Variants in TAFA1 observed in about 807,000 individuals in gnomAD.
TAFA1 encodes TAFA chemokine like family member 1.
Under a neutral mutation model 18.5 loss-of-function variants are expected in TAFA1, and 4 were observed. That is an observed-to-expected ratio of 0.22 (90% CI 0.11 to 0.49). The LOEUF is 0.49. Among genes scored for constraint, TAFA1 ranks in the 20% least tolerant of loss-of-function variants. TAFA1 has a pLI of 0.98. For synonymous variants in TAFA1, 56 were observed against 55.2 expected (o/e 1.01, Z -0.06); for missense variants, 147 against 169.0 (o/e 0.87, Z 0.72).
chr3:68,372,003 A>T (rs1239794582), intron 2 of TAFA1, among the ~76,000 whole-genome samples: 2 of 152,194 alleles, frequency 1.3e-5, no homozygotes, highest in Non-Finnish European at 2.9e-5. Flanking sequence ...ACTTCTGAAC[A>T]TCTCGATGTA....
intron 2 of TAFA1, among the ~76,000 whole-genome samples, chr3:68,181,567 G>A (rs2066201188): frequency 1.3e-5 from 2 of 152,066 alleles, no homozygotes; most frequent in Admixed American, 1.3e-4. Context: ...TGCTAATAGG[G>A]TAATTATTAT....
intron 2 of TAFA1, among the ~76,000 whole-genome samples, chr3:68,221,379 A>T (rs1478121623): frequency 6.6e-6 from 1 of 152,212 alleles, no homozygotes; most frequent in Non-Finnish European, 1.5e-5. Context: ...TCTTCCCTAC[A>T]TACAACTCTG....
chr3:68,423,624 G>A (rs1271346315), intron 3 of TAFA1, among the ~76,000 whole-genome samples: 2 of 152,158 alleles, frequency 1.3e-5, no homozygotes, highest in South Asian at 4.1e-4. Flanking sequence ...TTGTTATGGA[G>A]CAATTAGAAG....
chr3:68,069,121 G>A (rs561632051), intron 2 of TAFA1, among the ~76,000 whole-genome samples: 2 of 152,200 alleles, frequency 1.3e-5, no homozygotes, highest in Admixed American at 6.5e-5. Flanking sequence ...GGAAAATAAT[G>A]GTTTGTATGC....
At chr3:68,269,554 G>A (rs1485694571) in intron 2 of TAFA1, among the ~76,000 whole-genome samples, 1 of 152,204 alleles carries the variant, frequency 6.6e-6, no homozygotes, top group Admixed American at 6.5e-5. Flanking sequence ...AGGTAATGCT[G>A]ATGCTACTGA....
At chr3:68,494,941 T>C (rs2072518965) in intron 3 of TAFA1, among the ~76,000 whole-genome samples, 1 of 152,232 alleles carries the variant, frequency 6.6e-6, no homozygotes, top group African/African-American at 2.4e-5. Context: ...GCTGAAAGTC[T>C]AGATTCTTCT....
At chr3:68,147,664 CT>C (rs141162994) in intron 2 of TAFA1, among the ~76,000 whole-genome samples, 1 of 152,238 alleles carries the variant, frequency 6.6e-6, no homozygotes, top group East Asian at 1.9e-4. Flanking sequence ...AGACAATTTT[CT>C]GAAACACTTG....
chr3:68,157,575 C>G (rs1231918766), intron 2 of TAFA1, among the ~76,000 whole-genome samples: 1 of 152,296 alleles, frequency 6.6e-6, no homozygotes, highest in Middle Eastern at 3.4e-3. Flanking sequence ...ATCTTATGGT[C>G]TCATCTCCCA....
intron 2 of TAFA1, among the ~76,000 whole-genome samples, chr3:68,248,754 G>T (rs1275210611): frequency 1.5e-5 from 2 of 137,686 alleles, no homozygotes; most frequent in Non-Finnish European, 3.2e-5. Flanking sequence ...GGGGGCTGGG[G>T]GTGGGGTAGG....
At chr3:68,530,373 C>T (rs893931624) in intron 3 of TAFA1, among the ~76,000 whole-genome samples, 1 of 152,196 alleles carries the variant, frequency 6.6e-6, no homozygotes, top group Admixed American at 6.5e-5. Context: ...TACAGCCTCT[C>T]TTTTGCTCTA....
intron 2 of TAFA1, chr3:68,145,486 G>T: frequency 1.1e-6 from 1 of 908,748 alleles, no homozygotes; most frequent in Middle Eastern, 2.3e-4. Flanking sequence ...CCACAAGAAT[G>T]GTTCTGCCCA....
intron 2 of TAFA1, among the ~76,000 whole-genome samples, chr3:68,336,747 T>C (rs1277146595): frequency 6.6e-6 from 1 of 152,206 alleles, no homozygotes; most frequent in East Asian, 1.9e-4. Context: ...TTTATTGAGA[T>C]GGAGTTTTGA....
At chr3:68,400,263 G>A (rs1050610851) in intron 2 of TAFA1, among the ~76,000 whole-genome samples, 2 of 152,054 alleles carry the variant, frequency 1.3e-5, no homozygotes, top group South Asian at 4.1e-4. Context: ...CAGGAACAGT[G>A]GATTTCATCT....
At chr3:68,244,224 C>G (rs574267055) in intron 2 of TAFA1, among the ~76,000 whole-genome samples, 1 of 152,194 alleles carries the variant, frequency 6.6e-6, no homozygotes, top group Admixed American at 6.5e-5. Context: ...CTTTTCATCC[C>G]CTTCATGGGG....
At chr3:68,370,411 T>C (rs1254897967) in intron 2 of TAFA1, among the ~76,000 whole-genome samples, 4 of 91,230 alleles carry the variant, frequency 4.4e-5, no homozygotes, top group African/African-American at 1.8e-4. Flanking sequence ...TATACACATA[T>C]ATATGTACAC....
At chr3:68,111,803 A>AGAGAGT (rs1559524472) in intron 2 of TAFA1, among the ~76,000 whole-genome samples, 21 of 149,916 alleles carry the variant, frequency 1.4e-4, no homozygotes. Context: ...AGAGAGAGAG[A>AGAGAGT]AGAAATGTAG....
chr3:68,524,124 C>A (rs1490569765), intron 3 of TAFA1, among the ~76,000 whole-genome samples: 1 of 152,114 alleles, frequency 6.6e-6, no homozygotes, highest in South Asian at 2.1e-4. Context: ...CTGGTCTGGG[C>A]TGGCTCCATT....
At chr3:68,490,352 A>G (rs927262056) in intron 3 of TAFA1, among the ~76,000 whole-genome samples, 6 of 152,200 alleles carry the variant, frequency 3.9e-5, no homozygotes, top group African/African-American at 1.2e-4. Context: ...TCAGAGAAAT[A>G]TTGCAACTAA....
chr3:68,493,959 A>G (rs146985717), intron 3 of TAFA1, among the ~76,000 whole-genome samples: 75 of 152,274 alleles, frequency 4.9e-4, no homozygotes, highest in Non-Finnish European at 8.1e-4. Context: ...GAGTTTATTC[A>G]GTCTCTGATC....
Sources: allele counts gnomAD v4.1 joint callset (sites outside exome capture counted in the v4.1 genomes callset), GRCh38; gene constraint gnomAD v4.1.1; transcripts MANE v1.5; gene names NCBI Gene and HGNC (gene_info 2026-07-23, HGNC 2026-07-21).